Variants in ZNF609 observed in about 807,000 individuals in gnomAD.
ZNF609 encodes zinc finger protein 609.
A neutral mutation model predicts 109.5 loss-of-function variants in ZNF609; 11 were observed. The observed-to-expected ratio is 0.10, with a 90% CI of 0.06 to 0.17. The LOEUF is 0.17. Among genes scored for constraint, ZNF609 ranks in the 10% least tolerant of loss-of-function variants. The probability of loss-of-function intolerance (pLI) is 1.00; values close to 1 mark genes in which losing one functional copy is unlikely to be tolerated. For missense variants in ZNF609, 1,559 were observed against 1,772.4 expected (o/e 0.88, Z 2.16); for synonymous variants, 646 against 662.0 (o/e 0.98, Z 0.37).
intron 3 of ZNF609, among the ~76,000 whole-genome samples, chr15:64,665,919 T>A (rs114682115): frequency 0.013 from 1,993 of 150,588 alleles, 35 homozygotes; most frequent in African/African-American, 0.047. Context: ...AAATAAAAAT[T>A]AAAATTAAAA....
chr15:64,663,688 G>A (rs76020175), intron 3 of ZNF609, among the ~76,000 whole-genome samples: 3,514 of 152,148 alleles, frequency 0.023, 59 homozygotes, highest in South Asian at 0.039. Flanking sequence ...TGAAGGAAGC[G>A]TTTCAAGAAG....
intron 3 of ZNF609, among the ~76,000 whole-genome samples, chr15:64,630,086 AT>A (rs1453452524): frequency 3.9e-5 from 5 of 129,534 alleles, no homozygotes; most frequent in Non-Finnish European, 8.1e-5. Flanking sequence ...CATCCTCCTA[AT>A]TTTCTTTTTT....
intron 3 of ZNF609, among the ~76,000 whole-genome samples, chr15:64,637,358 CATG>C (rs1896191536): frequency 6.6e-6 from 1 of 152,142 alleles, no homozygotes; most frequent in Admixed American, 6.6e-5. Context: ...AATTCTTGTA[CATG>C]TCTATTTGGG....
At chr15:64,680,087 G>T in intron 6 of ZNF609, 98 bp from the exon 7 acceptor site, 6 of 1,309,954 alleles carry the variant, frequency 4.6e-6, no homozygotes, top group Non-Finnish European at 6.5e-6. Context: ...ACCTCAGCCT[G>T]TGCCTAGGAA....
At chr15:64,574,209 C>G (rs1386277196) in intron 2 of ZNF609, among the ~76,000 whole-genome samples, 1 of 135,624 alleles carries the variant, frequency 7.4e-6, no homozygotes, top group East Asian at 2.2e-4. Flanking sequence ...CACCCACACC[C>G]CATTTGAGAA....
intron 1 of ZNF609, among the ~76,000 whole-genome samples, chr15:64,488,885 T>G (rs1893368934): frequency 1.3e-5 from 2 of 149,688 alleles, no homozygotes; most frequent in Non-Finnish European, 3.0e-5. Context: ...CCAGTCTGGG[T>G]GACAAAGAGA....
At chr15:64,565,226 AT>A (rs1894757032) in intron 2 of ZNF609, among the ~76,000 whole-genome samples, 1 of 11,724 alleles carries the variant, frequency 8.5e-5, no homozygotes, top group Non-Finnish European at 2.2e-4. Flanking sequence ...TGCCTGGCTA[AT>A]TTTTGTATTA....
Position 64,523,880 on chromosome 15 carries a change from G to C in ZNF609, c.747+23714G>C, listed in dbSNP as rs528220832. ...TGGGTAGAATTTCAACTTTTTGCAT[G>C]TTTATCAAATGGCTTTAATGTTCCT... On this transcript the variant is annotated intron_variant, in intron 2 of 9. Transcript: ENST00000326648. Among the ~76,000 whole-genome samples, 45 of 152,036 alleles carry C rather than the reference G, an allele frequency of 3.0e-4. No individual in the cohort carries two copies. In the South Asian group the frequency reaches 8.7e-3, roughly 29 times the overall value.
rs566528785 is a variant in ZNF609 at position 64,675,109 on chromosome 15, G to A, written c.2255G>A (p.Arg752Gln). Residue 752 changes from arginine to glutamine, a missense_variant, in exon 5 of 10, where the codon CGA (arginine) becomes CAA (glutamine). This residue lies in a region of ZNF609 where 1,204 missense variants were observed against 1,314.1 expected (regional missense o/e 0.92). Transcript: ENST00000326648. Reference sequence around the variant, plus strand: ...CCTCTGACCCCTGGGAAGGTGTGTCGAGCAGAGGAAGGCAAAAGCCCATTC... The same window carrying A: ...CCTCTGACCCCTGGGAAGGTGTGTCAAGCAGAGGAAGGCAAAAGCCCATTC... ...ESPLTPGKVC[R>Q]AEEGKSPFRE... The A allele has an allele frequency of 2.4e-5, 38 of 1,614,102 alleles. 1 individual carries two copies. The African/African-American group carries it at 2.7e-4, about 11-fold the overall frequency.
chr15:64,654,606 C>T (rs957755191), intron 3 of ZNF609, among the ~76,000 whole-genome samples: 2 of 152,030 alleles, frequency 1.3e-5, no homozygotes, highest in Middle Eastern at 3.2e-3. Flanking sequence ...GTTATTTCTG[C>T]GTGTGTTTAT....
At chr15:64,554,598 C>T (rs1434044319) in intron 2 of ZNF609, among the ~76,000 whole-genome samples, 1 of 151,750 alleles carries the variant, frequency 6.6e-6, no homozygotes, top group East Asian at 1.9e-4. Flanking sequence ...GTCCAGGCTA[C>T]AGTGAACCAT....
At chr15:64,645,008 T>TCTTTCTTTCTTTCTTTCTTCCTTCCTTC (rs1311156425) in intron 3 of ZNF609, among the ~76,000 whole-genome samples, 1 of 140,064 alleles carries the variant, frequency 7.1e-6, no homozygotes, top group African/African-American at 2.9e-5. Context: ...TTTCTTTCTT[T>TCTTTCTTTCTTTCTTTCTTCCTTCCTTC]CTTCCTTCCT....
intron 3 of ZNF609, among the ~76,000 whole-genome samples, chr15:64,656,624 G>A (rs1484802319): frequency 6.6e-6 from 1 of 151,968 alleles, no homozygotes; most frequent in Non-Finnish European, 1.5e-5. Flanking sequence ...AGTTTGTAGT[G>A]CAGCATATGG....
intron 4 of ZNF609, among the ~76,000 whole-genome samples, 163 bp from the exon 5 acceptor site, chr15:64,673,753 G>A (rs1896768101): frequency 6.6e-6 from 1 of 152,190 alleles, no homozygotes; most frequent in South Asian, 2.1e-4. Flanking sequence ...TGTATCCCAG[G>A]AGTTCACCAT....
intron 7 of ZNF609, 85 bp from the exon 8 acceptor site, chr15:64,680,561 T>TTGTGTGTGTGTGTG (rs147044397): frequency 8.8e-6 from 10 of 1,133,886 alleles, no homozygotes; most frequent in African/African-American, 3.2e-5. Flanking sequence ...GGCATCTCAC[T>TTGTGTGTGTGTGTG]TGTGTGTGTG....
At chr15:64,611,184 C>T (rs1895711037) in intron 2 of ZNF609, among the ~76,000 whole-genome samples, 1 of 152,080 alleles carries the variant, frequency 6.6e-6, no homozygotes, top group African/African-American at 2.4e-5. Context: ...TAATGCTTAC[C>T]TTGTAACCAT....
chr15:64,565,613 A>G (rs1894763108), intron 2 of ZNF609, among the ~76,000 whole-genome samples: 1 of 152,162 alleles, frequency 6.6e-6, no homozygotes, highest in South Asian at 2.1e-4. Flanking sequence ...TGACAATCAG[A>G]TTTGGCAAAA....
At chr15:64,577,326 C>T (rs865789858) in intron 2 of ZNF609, among the ~76,000 whole-genome samples, 7 of 19,222 alleles carry the variant, frequency 3.6e-4, no homozygotes, top group African/African-American at 5.3e-4. Flanking sequence ...TATATACACA[C>T]AAATATATAC....
intron 2 of ZNF609, among the ~76,000 whole-genome samples, chr15:64,583,540 C>T (rs1441496367): frequency 6.6e-6 from 1 of 151,970 alleles, no homozygotes; most frequent in Non-Finnish European, 1.5e-5. Context: ...TTAGGCAAGT[C>T]ATTTTTCCCT....
Sources: allele counts gnomAD v4.1 joint callset (sites outside exome capture counted in the v4.1 genomes callset), GRCh38; gene constraint gnomAD v4.1.1; regional missense constraint gnomAD v4.1.1; transcripts MANE v1.5; gene names NCBI Gene and HGNC (gene_info 2026-07-23, HGNC 2026-07-21).